TRABD2A: variants seen among roughly 807,000 people sequenced by gnomAD.
TRABD2A encodes metalloprotease TIKI1.
In TRABD2A, 43 loss-of-function variants were observed where a neutral mutation model predicts 45.6. That is an observed-to-expected ratio of 0.94 (90% confidence interval 0.74 to 1.22). The LOEUF is 1.22. Ranked by LOEUF, TRABD2A falls within the 50% of genes most tolerant of loss-of-function variation. TRABD2A has a pLI of 0.00. For missense variants in TRABD2A, 642 were observed against 652.4 expected, an observed-to-expected ratio of 0.98 and a Z score of 0.17; for synonymous variants, 269 against 265.0, an observed-to-expected ratio of 1.02 and a Z score of -0.15.
intron 2 of TRABD2A, among the ~76,000 whole-genome samples, chr2:84,853,528 G>A (rs1012351558): frequency 2.6e-5 from 4 of 152,114 alleles, no homozygotes; most frequent in Admixed American, 2.0e-4. Context: ...ACCTGGTCCC[G>A]CCCATGACAC....
At chr2:84,846,878 TGCC>T (rs1300824931) in intron 2 of TRABD2A, among the ~76,000 whole-genome samples, 15 of 152,190 alleles carry the variant, frequency 9.9e-5, no homozygotes, top group African/African-American at 3.6e-4. Flanking sequence ...TGACTCAAGG[TGCC>T]TGTTCGCACA....
chr2:84,854,693 G>T (rs1682214478), intron 2 of TRABD2A, among the ~76,000 whole-genome samples: 1 of 152,128 alleles, frequency 6.6e-6, no homozygotes, highest in Non-Finnish European at 1.5e-5. Flanking sequence ...CTGCCTGACT[G>T]CCCAGACCCA....
chr2:84,839,094 T>A (rs1681617604), intron 4 of TRABD2A, 55 bp downstream of exon 4: 3 of 1,600,770 alleles, frequency 1.9e-6, no homozygotes, highest in Non-Finnish European at 2.6e-6. Flanking sequence ...CAACATTCCC[T>A]TCTTGGGAGA....
intron 1 of TRABD2A, among the ~76,000 whole-genome samples, chr2:84,880,347 G>A (rs1683158517): frequency 6.6e-6 from 1 of 152,114 alleles, no homozygotes; most frequent in Admixed American, 6.5e-5. Context: ...CGCAAGGCTC[G>A]GACAGTGGTC....
intron 2 of TRABD2A, among the ~76,000 whole-genome samples, chr2:84,861,803 C>CA (rs1682509545): frequency 6.6e-6 from 1 of 152,210 alleles, no homozygotes; most frequent in Admixed American, 6.5e-5. Context: ...AAAGCACCCG[C>CA]AAGAGCAGAA....
intron 2 of TRABD2A, among the ~76,000 whole-genome samples, chr2:84,853,023 A>G (rs1184543016): frequency 6.6e-6 from 1 of 152,122 alleles, no homozygotes; most frequent in Non-Finnish European, 1.5e-5. Flanking sequence ...AGATATGTTC[A>G]TCCTAACCCC....
At chr2:84,824,546 CTTTTTT>C (rs33984190) in intron 5 of TRABD2A, among the ~76,000 whole-genome samples, 9,934 of 106,186 alleles carry the variant, frequency 0.094, 649 homozygotes, top group African/African-American at 0.23. Context: ...ACAATTATAG[CTTTTTT>C]TTTTTTTTTT....
chr2:84,870,138 C>T, intron 2 of TRABD2A, 87 bp downstream of exon 2: 1 of 1,307,034 alleles, frequency 7.7e-7, no homozygotes, highest in African/African-American at 1.5e-5. Context: ...ACAAGCTGTG[C>T]CCGTGATCCA....
At chr2:84,870,863 A>T in intron 1 of TRABD2A, 78 bp from the exon 2 acceptor site, 1 of 1,320,854 alleles carries the variant, frequency 7.6e-7, no homozygotes. Flanking sequence ...GAAATGAATC[A>T]GTCACATTTC....
intron 2 of TRABD2A, among the ~76,000 whole-genome samples, chr2:84,852,837 A>T (rs1219310736): frequency 6.6e-6 from 1 of 152,218 alleles, no homozygotes; most frequent in Non-Finnish European, 1.5e-5. Context: ...GAAGGAAATA[A>T]GGAAAAAGAA....
At chr2:84,855,511 C>T (rs1224945187) in intron 2 of TRABD2A, among the ~76,000 whole-genome samples, 1 of 152,160 alleles carries the variant, frequency 6.6e-6, no homozygotes, top group African/African-American at 2.4e-5. Flanking sequence ...CTCCCTCCCT[C>T]CAATGACACA....
intron 2 of TRABD2A, among the ~76,000 whole-genome samples, chr2:84,865,013 G>A (rs889869121): frequency 1.3e-5 from 2 of 152,196 alleles, no homozygotes; most frequent in African/African-American, 4.8e-5. Flanking sequence ...CTCCTGGGGA[G>A]TGGGCTGCCT....
intron 1 of TRABD2A, among the ~76,000 whole-genome samples, chr2:84,878,759 G>T (rs1417718104): frequency 1.6e-4 from 25 of 152,124 alleles, no homozygotes; most frequent in Non-Finnish European, 1.5e-5. Flanking sequence ...TTGGAGGCTG[G>T]ATCCCAGGAC....
intron 2 of TRABD2A, 100 bp downstream of exon 2, chr2:84,870,125 T>C: frequency 8.1e-7 from 1 of 1,231,874 alleles, no homozygotes; most frequent in South Asian, 1.5e-5. Flanking sequence ...AGACAATTTC[T>C]AGACAAGCTG....
In TRABD2A at chr2:84,824,017, T is replaced by A; in HGVS notation, c.1270A>T (p.Arg424Trp). ...AGTCGCGGCCTCCGCTGTGACCGCC[T>A]CCGCTTCTTCCGGAACCTCTGTTCG... ...EAEQRFRKKR[R>W]RSQRRPRLRQ... The change falls in exon 6 of 7, where the codon AGG becomes TGG. Residue 424 changes from arginine (R) to tryptophan (W), a missense_variant. Coordinates refer to ENST00000409520, the MANE Select transcript of TRABD2A (RefSeq NM_001277053.2). The A allele has an allele frequency of 6.2e-7, 1 of 1,613,828 alleles. No individual in the cohort carries two copies. Among genetic ancestry groups the A allele is most frequent in the Non-Finnish European group, 8.5e-7 (1 of 1,179,826 alleles).
At chr2:84,850,713 C>T (rs1475818442) in intron 2 of TRABD2A, 2 of 152,244 alleles carry the variant, frequency 1.3e-5, no homozygotes, top group South Asian at 2.1e-4. Context: ...TGCTCAACCC[C>T]TCCATGGGGG....
At position 84,830,899 on chromosome 2, in the gene TRABD2A, C is replaced by T. The variant is rs1035959103; in HGVS notation, c.1082+1156G>A. ...CGGGCAGACACAACTGCTGGATCCTCTGCCAGGGGATGGGCATTTGCATCC... is the reference window on the plus strand; with the variant it reads ...CGGGCAGACACAACTGCTGGATCCTTTGCCAGGGGATGGGCATTTGCATCC... On this transcript the variant is annotated intron_variant, in intron 5 of 6. Coordinates refer to ENST00000409520, the MANE Select transcript of TRABD2A (RefSeq NM_001277053.2). This position sits in a 1 kb window ranked among gnomAD's most constrained non-coding sequence, Gnocchi z 4.9. Among the ~76,000 whole-genome samples, 3 of 152,152 alleles carry T rather than the reference C, an allele frequency of 2.0e-5. No individual in the cohort carries two copies. Among genetic ancestry groups the T allele is most frequent in the Admixed American group, 2.0e-4 (3 of 15,274 alleles).
chr2:84,823,539 G>A (rs1681054386), intron 6 of TRABD2A, among the ~76,000 whole-genome samples: 1 of 152,176 alleles, frequency 6.6e-6, no homozygotes, highest in African/African-American at 2.4e-5. Context: ...ATTTGGTGTA[G>A]GGTCACGACC....
intron 2 of TRABD2A, among the ~76,000 whole-genome samples, chr2:84,853,409 T>C (rs532388912): frequency 2.0e-4 from 31 of 152,094 alleles, no homozygotes; most frequent in South Asian, 6.3e-4. Context: ...GAAGGAGAAG[T>C]GCTGAGCAAA....
Sources: allele counts gnomAD v4.1 joint callset (sites outside exome capture counted in the v4.1 genomes callset), GRCh38; gene constraint gnomAD v4.1.1; non-coding constraint Gnocchi (gnomAD v3.1); transcripts MANE v1.5; gene names NCBI Gene and HGNC (gene_info 2026-07-23, HGNC 2026-07-21).